CRACR2A: variants seen among roughly 807,000 people sequenced by gnomAD.
CRACR2A encodes EF-hand calcium-binding domain-containing protein 4B.
In CRACR2A, 79 loss-of-function variants were observed where a neutral mutation model predicts 90.5. The observed-to-expected ratio is 0.87, with a 90% CI of 0.73 to 1.05. CRACR2A has a LOEUF of 1.05. CRACR2A is among the 50% of genes least tolerant of loss of function. The pLI is 0.00. For synonymous variants in CRACR2A, 338 were observed against 356.7 expected, an observed-to-expected ratio of 0.95 and a Z score of 0.59; for missense variants, 823 against 897.2, an observed-to-expected ratio of 0.92 and a Z score of 1.06.
chr12:3,616,673 C>A (rs1867689547), intron 19 of CRACR2A, among the ~76,000 whole-genome samples: 1 of 152,168 alleles, frequency 6.6e-6, no homozygotes, highest in Non-Finnish European at 1.5e-5. Context: ...AAAAGAGCAT[C>A]CCTAGGAAAA....
chr12:3,728,428 A>G (rs1946305067), intron 2 of CRACR2A: 1 of 152,296 alleles, frequency 6.6e-6, no homozygotes, highest in Non-Finnish European at 1.5e-5. Context: ...ATGCTGTTGC[A>G]TGCAAACTTG....
At chr12:3,659,494 T>C in intron 8 of CRACR2A, 70 bp downstream of exon 8, 2 of 1,454,412 alleles carry the variant, frequency 1.4e-6, no homozygotes, top group Non-Finnish European at 1.9e-6. Flanking sequence ...ACCAAAATCT[T>C]AAACCTGGGG....
Position 3,746,444 on chromosome 12 carries a change from C to G in CRACR2A, c.-387+6571G>C, listed in dbSNP as rs1384884815. 3.3e-5 allele frequency among the ~76,000 whole-genome samples: 5 copies of G among 151,988 alleles called. No individual in the cohort carries two copies. The highest frequency in any genetic ancestry group is 5.9e-5 in the Non-Finnish European group (4 of 67,990). ...CTCTCCCTTCTTCCTCTCCCATTCT[C>G]TCCCTCTCTGTGCCATGTGAGGACA... On this transcript the variant is annotated intron_variant, in intron 1 of 19. Transcript: ENST00000440314. This position sits in a 1 kb window ranked among gnomAD's most constrained non-coding sequence, Gnocchi z 4.4.
chr12:3,667,850 C>T (rs781060069), intron 7 of CRACR2A, among the ~76,000 whole-genome samples: 1 of 152,212 alleles, frequency 6.6e-6, no homozygotes, highest in African/African-American at 2.4e-5. Context: ...GGCGCATGCA[C>T]GTGCACACAC....
intron 2 of CRACR2A, among the ~76,000 whole-genome samples, chr12:3,720,083 C>T (rs1946133079): frequency 6.7e-6 from 1 of 149,530 alleles, no homozygotes; most frequent in Admixed American, 6.7e-5. Flanking sequence ...CGTGCCATTG[C>T]AATGCAGTCT....
chr12:3,735,048 G>A (rs1294797348), intron 1 of CRACR2A, among the ~76,000 whole-genome samples: 3 of 151,228 alleles, frequency 2.0e-5, no homozygotes, highest in Non-Finnish European at 4.4e-5. Context: ...GTAACTAGGT[G>A]GGGTGATGAA....
chr12:3,664,660 T>C (rs1945095518), intron 7 of CRACR2A, among the ~76,000 whole-genome samples: 1 of 152,192 alleles, frequency 6.6e-6, no homozygotes, highest in Non-Finnish European at 1.5e-5. Context: ...GAGATGTTAA[T>C]TAGTGACATG....
chr12:3,627,989 C>G (rs898539423), intron 15 of CRACR2A, among the ~76,000 whole-genome samples: 1 of 151,564 alleles, frequency 6.6e-6, no homozygotes, highest in Non-Finnish European at 1.5e-5. Context: ...ACAAGCCATA[C>G]ACTCTTTCTT....
chr12:3,692,257 C>G (rs1183997549), intron 4 of CRACR2A, among the ~76,000 whole-genome samples: 1 of 152,142 alleles, frequency 6.6e-6, no homozygotes, highest in Non-Finnish European at 1.5e-5. Context: ...CCTTTCTCAT[C>G]TTTGTGGGCT....
At chr12:3,672,864 G>T in intron 7 of CRACR2A, 1 of 937,906 alleles carries the variant, frequency 1.1e-6, no homozygotes, top group Non-Finnish European at 1.3e-6. Context: ...TAGACGAAGA[G>T]ACATGAGGCC....
intron 13 of CRACR2A, chr12:3,640,925 A>C: frequency 2.2e-6 from 2 of 926,686 alleles, no homozygotes; most frequent in Non-Finnish European, 2.9e-6. Flanking sequence ...AGTTAATTAA[A>C]TATAGGTCAT....
Position 3,679,376 on chromosome 12 carries a change from A to G in CRACR2A, c.341-278T>C, listed in dbSNP as rs538132564. Among the ~76,000 whole-genome samples the G allele has an allele frequency of 1.3e-4, 20 of 152,290 alleles. No homozygotes were observed. In the South Asian group the frequency reaches 3.7e-3, roughly 28 times the overall value. ...CCTTTGTGGTTCTCAGTCCCTTAAC[A>G]TCTGGCTTAGAACGCATCTCCGTTG... On this transcript the variant is annotated intron_variant, in intron 5 of 19. Transcript: ENST00000440314.
chr12:3,663,258 A>G (rs1440863525), intron 7 of CRACR2A, among the ~76,000 whole-genome samples: 1 of 151,930 alleles, frequency 6.6e-6, no homozygotes, highest in Non-Finnish European at 1.5e-5. Context: ...AGGGAATACT[A>G]GATACCATGG....
intron 12 of CRACR2A, 65 bp downstream of exon 12, chr12:3,644,530 G>C (rs532182099): frequency 6.1e-6 from 9 of 1,481,882 alleles, no homozygotes; most frequent in Non-Finnish European, 8.3e-6. Context: ...TCTCGACATG[G>C]ATCTGGCTGT....
chr12:3,629,565 G>A (rs553578960), intron 15 of CRACR2A, among the ~76,000 whole-genome samples: 1 of 152,374 alleles, frequency 6.6e-6, no homozygotes, highest in East Asian at 1.9e-4. Context: ...GCCTCTGCCT[G>A]CTGGTAAGGC....
chr12:3,732,744 A>T (rs948258890), intron 2 of CRACR2A, 198 bp downstream of exon 2: 1 of 152,240 alleles, frequency 6.6e-6, no homozygotes, highest in African/African-American at 2.4e-5. Context: ...CAAGCAAAAA[A>T]CATGAGATCC....
chr12:3,617,764 G>A (rs1203696583), intron 18 of CRACR2A, among the ~76,000 whole-genome samples: 1 of 152,200 alleles, frequency 6.6e-6, no homozygotes, highest in Non-Finnish European at 1.5e-5. Context: ...CAGGGCCCTG[G>A]CTTTTAGATG....
chr12:3,669,062 AG>A (rs1395578703), intron 7 of CRACR2A, among the ~76,000 whole-genome samples: 2 of 152,236 alleles, frequency 1.3e-5, no homozygotes, highest in Non-Finnish European at 2.9e-5. Context: ...AGCACAGCCT[AG>A]GGCTGGCCTT....
intron 3 of CRACR2A, among the ~76,000 whole-genome samples, chr12:3,709,855 T>C (rs538634435): frequency 3.1e-4 from 48 of 152,400 alleles, no homozygotes; most frequent in Middle Eastern, 3.4e-3. Flanking sequence ...ACTTGCAGAA[T>C]TGTTGTAAGG....
Sources: gnomAD v4.1 joint callset for allele counts (sites outside exome capture counted in the v4.1 genomes callset) on GRCh38, gnomAD v4.1.1 for gene constraint, Gnocchi (gnomAD v3.1) non-coding constraint, MANE v1.5 for transcripts, NCBI Gene and HGNC (gene_info 2026-07-23, HGNC 2026-07-21) for gene names.